Variants in ANK3 observed in about 807,000 individuals in gnomAD.
The protein encoded by ANK3 is ankyrin 3.
In ANK3, 57 loss-of-function variants were observed where a neutral mutation model predicts 370.9. That is an observed-to-expected ratio of 0.15 (90% CI 0.12 to 0.19). The LOEUF is 0.19. Among genes scored for constraint, ANK3 ranks in the 10% least tolerant of loss-of-function variants. ANK3 has a pLI of 1.00. For synonymous variants in ANK3, 1,929 were observed against 1,946.3 expected (o/e 0.99, Z 0.23); for missense variants, 4,439 against 5,302.1 (o/e 0.84, Z 5.06).
chr10:60,417,747 T>C (rs2063698279), intron 2 of ANK3, among the ~76,000 whole-genome samples: 1 of 152,106 alleles, frequency 6.6e-6, no homozygotes, highest in South Asian at 2.1e-4. Context: ...AATCAGATCC[T>C]ACTCCCTAAA....
chr10:60,572,519 T>C, intron 2 of ANK3: 1 of 1,535,882 alleles, frequency 6.5e-7, no homozygotes, highest in South Asian at 1.2e-5. Context: ...CCTTTGGTTC[T>C]TCACTCATCT....
chr10:60,444,681 G>A (rs2064394447), intron 2 of ANK3, among the ~76,000 whole-genome samples: 1 of 152,006 alleles, frequency 6.6e-6, no homozygotes, highest in Admixed American at 6.6e-5. Flanking sequence ...ACTAGAGGGA[G>A]TGGTTGATCT....
In ANK3 at chr10:60,169,648, G is replaced by A. The variant is rs1591184934; in HGVS notation, c.2478+2660C>T. On this transcript the variant is annotated intron_variant, in intron 21 of 43. Coordinates refer to ENST00000280772, the MANE Select transcript of ANK3 (RefSeq NM_020987.5). ...GCAGTGGGGAATTATGTTCCACTTCGAGAGTGAAGTATTTTCATACATTAT... is the reference window on the plus strand; with the variant it reads ...GCAGTGGGGAATTATGTTCCACTTCAAGAGTGAAGTATTTTCATACATTAT... Among the ~76,000 whole-genome samples the A allele has an allele frequency of 3.3e-5, 5 of 152,152 alleles. No individual in the cohort carries two copies. The South Asian group carries it at 1.0e-3, about 32-fold the overall frequency.
intron 1 of ANK3, among the ~76,000 whole-genome samples, chr10:60,289,921 G>A (rs890598022): frequency 1.6e-4 from 25 of 152,138 alleles, no homozygotes; most frequent in South Asian, 1.0e-3. Flanking sequence ...TAAGGCTTTC[G>A]TGTGGGACAC....
intron 2 of ANK3, among the ~76,000 whole-genome samples, chr10:60,463,864 CTT>C (rs2064950132): frequency 1.3e-5 from 2 of 151,738 alleles, no homozygotes; most frequent in South Asian, 4.2e-4. Context: ...AGGAAGGGAG[CTT>C]TTTGTATATC....
chr10:60,111,912 G>C (rs549852979), intron 26 of ANK3: 4 of 392,478 alleles, frequency 1.0e-5, no homozygotes, highest in African/African-American at 8.4e-5. Flanking sequence ...GGACAACCTA[G>C]AAAAATATCT....
At chr10:60,130,504 AG>A (rs1017972784) in intron 25 of ANK3, among the ~76,000 whole-genome samples, 2 of 152,206 alleles carry the variant, frequency 1.3e-5, no homozygotes, top group African/African-American at 4.8e-5. Flanking sequence ...TCTGACAGTA[AG>A]TTATATGTCA....
At chr10:60,529,762 A>G (rs2076561604) in intron 2 of ANK3, among the ~76,000 whole-genome samples, 1 of 152,212 alleles carries the variant, frequency 6.6e-6, no homozygotes, top group Non-Finnish European at 1.5e-5. Context: ...GCATTTAGAC[A>G]TTACATTAAC....
chr10:60,358,407 C>T lies in ANK3; in HGVS notation c.114+31018G>A, dbSNP rs147705809. ...CCTCCTTCACAAATCACTTTCCTCCCTAGACAATCATGCAGGCTTACCTGG... is the reference window on the plus strand; with the variant it reads ...CCTCCTTCACAAATCACTTTCCTCCTTAGACAATCATGCAGGCTTACCTGG... On this transcript the variant is annotated intron_variant, in intron 1 of 43. Transcript: ENST00000280772. Among the ~76,000 whole-genome samples the T allele has an allele frequency of 2.4e-4, 36 of 152,218 alleles. No individual in the cohort carries two copies. In the East Asian group the frequency reaches 5.6e-3, roughly 24 times the overall value.
intron 2 of ANK3, among the ~76,000 whole-genome samples, chr10:60,455,916 A>G (rs764069597): frequency 6.6e-6 from 1 of 152,186 alleles, no homozygotes; most frequent in African/African-American, 2.4e-5. Flanking sequence ...GGTATGTACA[A>G]TGAGATTATT....
intron 7 of ANK3, among the ~76,000 whole-genome samples, chr10:60,250,302 A>G (rs1036482659): frequency 9.2e-5 from 14 of 152,240 alleles, no homozygotes; most frequent in African/African-American, 2.9e-4. Context: ...TGTGGCTGAG[A>G]CAAACTGGGA....
chr10:60,131,274 T>C (rs7070364), intron 25 of ANK3, among the ~76,000 whole-genome samples: 57,283 of 151,710 alleles, frequency 0.38, 11,376 homozygotes, highest in African/African-American at 0.51. Flanking sequence ...TTTCCCGCTC[T>C]GAAATCTCCT....
intron 2 of ANK3, among the ~76,000 whole-genome samples, chr10:60,487,165 T>A (rs2075370961): frequency 6.6e-6 from 1 of 152,158 alleles, no homozygotes; most frequent in African/African-American, 2.4e-5. Context: ...ACTATCAATA[T>A]TTTTTTGGAA....
chr10:60,536,662 A>G (rs952087233), intron 2 of ANK3, among the ~76,000 whole-genome samples: 1 of 152,002 alleles, frequency 6.6e-6, no homozygotes, highest in Non-Finnish European at 1.5e-5. Flanking sequence ...ATAAACAAAA[A>G]AACACGTCCA....
intron 2 of ANK3, among the ~76,000 whole-genome samples, chr10:60,578,548 G>A (rs2077709608): frequency 6.6e-6 from 1 of 152,134 alleles, no homozygotes; most frequent in Admixed American, 6.6e-5. Context: ...CTTTGTAAAA[G>A]GTAATTTCCA....
chr10:60,290,177 C>T (rs1225758375), intron 1 of ANK3, among the ~76,000 whole-genome samples: 6 of 152,174 alleles, frequency 3.9e-5, no homozygotes, highest in South Asian at 2.1e-4. Flanking sequence ...GACATTCATA[C>T]TATAATCTGC....
At chr10:60,146,762 G>A (rs970035756) in intron 23 of ANK3, among the ~76,000 whole-genome samples, 1 of 152,176 alleles carries the variant, frequency 6.6e-6, no homozygotes, top group African/African-American at 2.4e-5. Flanking sequence ...TTACAGACAT[G>A]AGCCACTGCG....
intron 27 of ANK3, among the ~76,000 whole-genome samples, chr10:60,106,725 T>C (rs1478475673): frequency 6.6e-6 from 1 of 152,186 alleles, no homozygotes; most frequent in Non-Finnish European, 1.5e-5. Flanking sequence ...GACACAGTAA[T>C]TTTTGACAGT....
chr10:60,030,877 C>A (rs1376380178), intron 43 of ANK3, among the ~76,000 whole-genome samples: 1 of 152,178 alleles, frequency 6.6e-6, no homozygotes, highest in African/African-American at 2.4e-5. Flanking sequence ...GTTGGGAAGA[C>A]CCTCTTCTAG....
Sources: allele counts gnomAD v4.1 joint callset (sites outside exome capture counted in the v4.1 genomes callset), GRCh38; gene constraint gnomAD v4.1.1; transcripts MANE v1.5; gene names NCBI Gene and HGNC (gene_info 2026-07-23, HGNC 2026-07-21).